The following BRCA1 variants were observed in gnomAD, a reference collection of about 807,000 sequenced individuals.
BRCA1 encodes the protein breast cancer type 1 susceptibility protein.
A neutral mutation model predicts 173.7 loss-of-function variants in BRCA1; 140 were observed. That is an observed-to-expected ratio of 0.81 (90% CI 0.70 to 0.93). The LOEUF (loss-of-function observed/expected upper bound fraction) is 0.93, where lower values mean the gene tolerates loss of function less well. Among genes scored for constraint, BRCA1 ranks in the 40% least tolerant of loss-of-function variants. The probability of loss-of-function intolerance (pLI) is 0.00; values close to 1 mark genes in which losing one functional copy is unlikely to be tolerated. For missense variants in BRCA1, 1,983 were observed against 2,172.5 expected (o/e 0.91, Z 1.73); for synonymous variants, 662 against 756.0 (o/e 0.88, Z 2.04).
chr17:43,168,870 GTT>G (rs1385585769), intron 1 of BRCA1, among the ~76,000 whole-genome samples: 2 of 152,124 alleles, frequency 1.3e-5, no homozygotes, highest in Non-Finnish European at 2.9e-5. Flanking sequence ...GCTTCTGGCT[GTT>G]TTCTTTTTCT....
chr17:43,162,746 G>A (rs1202443779), intron 1 of BRCA1: 1 of 152,182 alleles, frequency 6.6e-6, no homozygotes, highest in Non-Finnish European at 1.5e-5. Flanking sequence ...GTTTTCTCAT[G>A]CTTCGGCCGT....
intron 1 of BRCA1, 160 bp downstream of exon 1, chr17:43,125,111 T>TTC: frequency 2.4e-6 from 1 of 423,314 alleles, no homozygotes; most frequent in Non-Finnish European, 4.7e-6. Flanking sequence ...ACCTACAAAC[T>TTC]GCCCCCCTCC....
At chr17:43,059,008 G>A (rs1305821056) in intron 18 of BRCA1, among the ~76,000 whole-genome samples, 1 of 152,168 alleles carries the variant, frequency 6.6e-6, no homozygotes, top group Non-Finnish European at 1.5e-5. Flanking sequence ...ATTACTAGGG[G>A]AAGAATATCT....
At chr17:43,128,468 C>G (rs1190115554), upstream of BRCA1, among the ~76,000 whole-genome samples, 2 of 152,172 alleles carry the variant, frequency 1.3e-5, no homozygotes, top group Non-Finnish European at 1.5e-5. Context: ...GGGTCCGCAA[C>G]TTCATTCTTG....
chr17:43,050,763 G>A (rs2051175335), intron 20 of BRCA1, among the ~76,000 whole-genome samples: 1 of 152,046 alleles, frequency 6.6e-6, no homozygotes, highest in Non-Finnish European at 1.5e-5. Context: ...CCTATCCAAA[G>A]ATATTTTCTC....
intron 19 of BRCA1, among the ~76,000 whole-genome samples, chr17:43,051,629 C>G (rs1469569549): frequency 2.6e-5 from 4 of 151,344 alleles, no homozygotes; most frequent in African/African-American, 9.7e-5. Context: ...TGCTCCTTGT[C>G]TCCTCTGACT....
At position 43,092,829 on chromosome 17, in the gene BRCA1, A is replaced by G. The variant is rs397507202; in HGVS notation, c.2702T>C (p.Phe901Ser). 1.9e-6 allele frequency: 3 copies of G among 1,614,016 alleles called. No individual in the cohort carries two copies. The highest frequency in any genetic ancestry group is 2.2e-5 in the South Asian group (2 of 91,072). ...SLKKQSPKVTFECEQKEENQG... is the reference protein window; with the variant it reads ...SLKKQSPKVTSECEQKEENQG... ...ATTTTCTTCCTTTTGTTCACATTCAAAAGTGACTTTTGGACTTTGTTTCTT... is the reference window on the plus strand; with the variant it reads ...ATTTTCTTCCTTTTGTTCACATTCAGAAGTGACTTTTGGACTTTGTTTCTT... Residue 901 changes from phenylalanine (F) to serine (S), a missense_variant, in exon 10 of 23, where the codon TTT becomes TCT. Phe to Ser is a radical substitution (Grantham distance 155, BLOSUM62 -2). Coordinates refer to ENST00000357654, the MANE Select transcript of BRCA1 (RefSeq NM_007294.4).
chr17:43,160,125 T>C (rs1201397401), intron 1 of BRCA1: 1 of 151,198 alleles, frequency 6.6e-6, no homozygotes, highest in African/African-American at 2.4e-5. Flanking sequence ...CACTGCAAGC[T>C]CTGCCTCCCA....
chr17:43,072,250 G>A (rs2052482725), intron 14 of BRCA1, among the ~76,000 whole-genome samples: 2 of 151,678 alleles, frequency 1.3e-5, no homozygotes, highest in Admixed American at 6.6e-5. Context: ...TTAGCCGGGC[G>A]TGGTGGTGCA....
In BRCA1 at chr17:43,143,547, T is replaced by A. The variant is rs958667062; in HGVS notation, c.-19-19432A>T. Among the ~76,000 whole-genome samples the A allele has an allele frequency of 3.3e-5, 5 of 152,334 alleles. No homozygotes were observed. In the South Asian group the frequency reaches 6.2e-4, roughly 19 times the overall value. ...CTGAACTGCCAGCGTTCATTTGTGT[T>A]CAGTTAGGTAGATTACCAATTCTTG... On this transcript the variant is annotated intron_variant, in intron 1 of 7. Transcript: ENST00000634433.
At chr17:43,136,301 C>T (rs1597933309) in intron 1 of BRCA1, among the ~76,000 whole-genome samples, 1 of 152,188 alleles carries the variant, frequency 6.6e-6, no homozygotes, top group South Asian at 2.1e-4. Flanking sequence ...GGATTAAAAA[C>T]TTAAACATAA....
At chr17:43,085,512 C>G (rs1188202211) in intron 11 of BRCA1, among the ~76,000 whole-genome samples, 1 of 152,192 alleles carries the variant, frequency 6.6e-6, no homozygotes, top group Non-Finnish European at 1.5e-5. Context: ...TATTATCTCT[C>G]ATTTCTCCCA....
intron 3 of BRCA1, 74 bp downstream of exon 3, chr17:43,115,652 G>C (rs1407750115): frequency 1.4e-6 from 2 of 1,397,974 alleles, no homozygotes; most frequent in African/African-American, 1.4e-5. Context: ...CTTCTATAAA[G>C]TTAGGTGTTT....
Position 43,091,015 on chromosome 17 carries a change from AC to A in BRCA1, c.4113del (p.Cys1372ValfsTer21), listed in dbSNP as rs80357861. 6.2e-7 allele frequency: 1 copy of A among 1,612,776 alleles called. No homozygotes were observed. The highest frequency in any genetic ancestry group is 8.5e-7 in the Non-Finnish European group (1 of 1,179,530). On this transcript the variant is annotated frameshift_variant, in exon 11 of 23. Transcript: ENST00000357654. LOFTEE classifies it high-confidence loss of function. ...MDSNLGEAAS[G>X]CESETSVSED... ...TCAGAGACGCTTGTTTCACTCTCAC[AC>A]CCAGATGCTGCTTCACCTTAAATAA... is the stretch of plus-strand genomic sequence containing the variant.
At chr17:43,045,849 T>C (rs750701163) in intron 22 of BRCA1, 47 bp from the exon 23 acceptor site, 1 of 1,612,954 alleles carries the variant, frequency 6.2e-7, no homozygotes, top group Admixed American at 1.7e-5. Flanking sequence ...TTCATTCTCC[T>C]GGACTAGGCT....
At chr17:43,066,812 C>CTTTTTTTTTTTT (rs34253779) in intron 16 of BRCA1, among the ~76,000 whole-genome samples, 1 of 112,274 alleles carries the variant, frequency 8.9e-6, no homozygotes, top group African/African-American at 4.3e-5. Flanking sequence ...CCCTCCAAAC[C>CTTTTTTTTTTTT]TTTTTTTTTT....
In BRCA1 at chr17:43,063,809, G is replaced by A. The variant is rs273901745; in HGVS notation, c.5152+65C>T. ...TCAGCAAAAACCTTAGGTGTTAAAC[G>A]TTAGGTGTAAAAATGCAATTCTGAG... On this transcript the variant is annotated intron_variant, in intron 17 of 22. Coordinates refer to ENST00000357654, the MANE Select transcript of BRCA1 (RefSeq NM_007294.4). 21 of 1,351,870 alleles carry A rather than the reference G, an allele frequency of 1.6e-5. No homozygotes were observed. The Middle Eastern group carries it at 5.4e-4, about 35-fold the overall frequency. 83.7% of individuals were successfully genotyped at this position (1,351,870 alleles called of 1,614,324 possible).
intron 1 of BRCA1, among the ~76,000 whole-genome samples, chr17:43,136,869 G>A (rs2056028894): frequency 6.6e-6 from 1 of 152,218 alleles, no homozygotes; most frequent in Non-Finnish European, 1.5e-5. Flanking sequence ...GGAAAACAGT[G>A]TGGTGATTCC....
rs200393646 is a variant in BRCA1 at position 43,076,662 on chromosome 17, T to C, written c.4358-48A>G. 1.6e-4 allele frequency: 251 copies of C among 1,601,778 alleles called. No homozygotes were observed. The highest frequency in any genetic ancestry group is 2.1e-4 in the Non-Finnish European group (241 of 1,172,270). On this transcript the variant is annotated intron_variant, in intron 12 of 22. Coordinates refer to ENST00000357654, the MANE Select transcript of BRCA1 (RefSeq NM_007294.4). ...AATCTACTTTACTGCTTTGTTCTGATAGTGATAATTCAGGTTAGAATACTG... is the reference window on the plus strand; with the variant it reads ...AATCTACTTTACTGCTTTGTTCTGACAGTGATAATTCAGGTTAGAATACTG...
Sources: allele counts gnomAD v4.1 joint callset (sites outside exome capture counted in the v4.1 genomes callset), GRCh38; gene constraint gnomAD v4.1.1; transcripts MANE v1.5; gene names NCBI Gene and HGNC (gene_info 2026-07-23, HGNC 2026-07-21).